BAHD1: variants seen among roughly 807,000 people sequenced by gnomAD.
The protein encoded by BAHD1 is bromo adjacent homology domain-containing 1 protein.
In BAHD1, 20 loss-of-function variants were observed where a neutral mutation model predicts 63.1. The observed-to-expected ratio is 0.32, with a 90% confidence interval of 0.22 to 0.46. The LOEUF (loss-of-function observed/expected upper bound fraction) is 0.46, where lower values mean the gene tolerates loss of function less well. BAHD1 is among the 20% of genes least tolerant of loss of function. The probability of loss-of-function intolerance (pLI) is 1.00; values close to 1 mark genes in which losing one functional copy is unlikely to be tolerated. For missense variants in BAHD1, 939 were observed against 1,071.8 expected (o/e 0.88, Z 1.73); for synonymous variants, 408 against 426.8 (o/e 0.96, Z 0.54).
rs145230732 is a variant in BAHD1 at position 40,456,554 on chromosome 15, A to G, written c.-14-1897A>G. ...CTCAGGGGTGAAGGTTGCCCACACC[A>G]CCCTCAGCCTGGTTTTCTGAGCACT... On this transcript the variant is annotated intron_variant, in intron 1 of 6. Coordinates refer to ENST00000416165, the MANE Select transcript of BAHD1 (RefSeq NM_014952.5). Among the ~76,000 whole-genome samples, 1,118 of 152,108 alleles carry G rather than the reference A, an allele frequency of 7.4e-3. 18 individuals are homozygous for G. Among genetic ancestry groups the G allele is most frequent in the African/African-American group, 0.026 (1,058 of 41,466 alleles).
chr15:40,440,458 C>G (rs981571188), upstream of BAHD1, among the ~76,000 whole-genome samples: 109 of 151,156 alleles, frequency 7.2e-4, no homozygotes, highest in Non-Finnish European at 1.3e-4. Flanking sequence ...CAGCAGCCTC[C>G]GGCGAGGATG....
At chr15:40,448,604 A>G (rs536942077) in intron 1 of BAHD1, among the ~76,000 whole-genome samples, 2 of 152,172 alleles carry the variant, frequency 1.3e-5, no homozygotes, top group African/African-American at 4.8e-5. Flanking sequence ...TGGCATGATC[A>G]TGGTTCATTA....
intron 1 of BAHD1, chr15:40,454,349 ATCTG>A (rs1205801598): frequency 6.6e-6 from 1 of 152,368 alleles, no homozygotes; most frequent in Non-Finnish European, 1.5e-5. Flanking sequence ...AGAGCAGGGC[ATCTG>A]TCTGTCCCTT....
chr15:40,442,401 GGGGGCCGA>G (rs1445154403), intron 1 of BAHD1, among the ~76,000 whole-genome samples: 1 of 151,858 alleles, frequency 6.6e-6, no homozygotes, highest in Middle Eastern at 3.2e-3. Flanking sequence ...TCTACTTGCC[GGGGGCCGA>G]GGGGCCGGGG....
intron 1 of BAHD1, among the ~76,000 whole-genome samples, chr15:40,455,966 A>ATGTTGTTGT (rs772749789): frequency 6.6e-6 from 1 of 151,844 alleles, no homozygotes; most frequent in Non-Finnish European, 1.5e-5. Context: ...AAATGGGATG[A>ATGTTGTTGT]TGTTGTTGTT....
intron 1 of BAHD1, among the ~76,000 whole-genome samples, chr15:40,447,611 T>TAAATAAATAAAA (rs1169432402): frequency 1.4e-5 from 2 of 144,026 alleles, no homozygotes; most frequent in Non-Finnish European, 3.1e-5. Context: ...AATAAATAAA[T>TAAATAAATAAAA]AAAAATAAAA....
At position 40,462,008 on chromosome 15, in the gene BAHD1, G is replaced by A; in HGVS notation, c.1529G>A (p.Ser510Asn). ...CCACTCCTGGGGTGCCCTGTACCCA[G>A]TGTGCCACCTGCAGCAGAGCCCGTC... ...AHPLLGCPVP[S>N]VPPAAEPVPH... Residue 510 changes from serine (S) to asparagine (N), a missense_variant, in exon 3 of 7, where the codon AGT (serine) becomes AAT (asparagine). Physicochemically the swap from Ser to Asn is conservative, Grantham distance 46. This residue lies in a region of BAHD1 where 797 missense variants were observed against 813.3 expected (regional missense o/e 0.98). Transcript: ENST00000416165. The A allele has an allele frequency of 6.2e-7, 1 of 1,608,490 alleles. No homozygotes were observed. The highest frequency in any genetic ancestry group is 8.5e-7 in the Non-Finnish European group (1 of 1,177,694).
At position 40,467,294 on chromosome 15, in the gene BAHD1, T is replaced by C. The variant is rs1199474449; in HGVS notation, c.*1164T>C. 1 of 152,910 alleles carries C rather than the reference T, an allele frequency of 6.5e-6. No homozygotes were observed. Among genetic ancestry groups the C allele is most frequent in the East Asian group, 1.9e-4 (1 of 5,212 alleles). 9.5% of individuals were successfully genotyped at this position (152,910 alleles called of 1,614,324 possible). On this transcript the variant is annotated 3_prime_UTR_variant, in exon 7 of 7. Coordinates refer to ENST00000416165, the MANE Select transcript of BAHD1 (RefSeq NM_014952.5). Reference sequence around the variant, plus strand: ...AGTCCCCTGTTGTCCTTGTGGAGACTAGGCCTTGGCCCTGGCCCTGAGACT... The same window carrying C: ...AGTCCCCTGTTGTCCTTGTGGAGACCAGGCCTTGGCCCTGGCCCTGAGACT...
chr15:40,446,585 AAG>A (rs1324818314), intron 1 of BAHD1, among the ~76,000 whole-genome samples: 1 of 152,232 alleles, frequency 6.6e-6, no homozygotes, highest in East Asian at 1.9e-4. Context: ...AGGAGAAAAA[AAG>A]GGGTTTGTCT....
intron 2 of BAHD1, among the ~76,000 whole-genome samples, chr15:40,461,571 C>T (rs1312765353): frequency 1.3e-5 from 2 of 151,750 alleles, no homozygotes; most frequent in African/African-American, 4.8e-5. Context: ...ACCCGAGAGG[C>T]GGAGGTTGCA....
intron 1 of BAHD1, among the ~76,000 whole-genome samples, chr15:40,442,350 C>T (rs1022251254): frequency 1.3e-5 from 2 of 151,948 alleles, no homozygotes; most frequent in South Asian, 2.1e-4. Context: ...GCTTGCCGCT[C>T]TAGCCGCTCG....
intron 5 of BAHD1, chr15:40,464,861 C>T: frequency 2.3e-6 from 1 of 436,380 alleles, no homozygotes; most frequent in Non-Finnish European, 4.2e-6. Context: ...GGTGGAGCTG[C>T]ATACCTGGTC....
chr15:40,465,349 A>G lies in BAHD1; in HGVS notation c.2067A>G (p.Glu689=). The G allele has an allele frequency of 6.2e-7, 1 of 1,614,082 alleles. No individual in the cohort carries two copies. The highest frequency in any genetic ancestry group is 2.2e-5 in the East Asian group (1 of 44,882). Reference sequence around the variant, plus strand: ...CTCCCTTTGAGCCCTTGCAGAATGAAGTGTTTGCATCGCGACATCAGGACC... The same window carrying G: ...CTCCCTTTGAGCCCTTGCAGAATGAGGTGTTTGCATCGCGACATCAGGACC... ...SPSMHEPLQN[E]VFASRHQDQN... Residue 689 remains glutamate (E), a synonymous_variant, in exon 6 of 7, where the codon GAA becomes GAG. Transcript: ENST00000416165.
At chr15:40,456,387 C>A (rs929484810) in intron 1 of BAHD1, among the ~76,000 whole-genome samples, 1 of 152,194 alleles carries the variant, frequency 6.6e-6, no homozygotes, top group African/African-American at 2.4e-5. Flanking sequence ...GAGCTCTCCA[C>A]CTGTGCTTCA....
upstream of BAHD1, among the ~76,000 whole-genome samples, chr15:40,440,776 C>A (rs554653076): frequency 6.6e-6 from 1 of 152,208 alleles, no homozygotes; most frequent in Admixed American, 6.5e-5. Context: ...TGCGTTGGGA[C>A]GACCGACCCA....
rs935171387 is a variant in BAHD1 at position 40,459,744 on chromosome 15, C to G, written c.1280C>G (p.Pro427Arg). ...CCGAGCTCAGTGCCCTCAGGCACCC[C>G]TTTCCAGCACCCTCCCTGGGGCTCC... ...LAPSSVPSGT[P>R]FQHPPWGSSR... is the part of the protein sequence containing the mutation. The change falls in exon 2 of 7, where the codon CCT (proline) becomes CGT (arginine). Residue 427 changes from proline (P) to arginine (R), a missense_variant. Physicochemically the swap from Pro to Arg is moderately radical, Grantham distance 103. Coordinates refer to ENST00000416165, the MANE Select transcript of BAHD1 (RefSeq NM_014952.5). The G allele has an allele frequency of 1.2e-6, 2 of 1,613,886 alleles. No homozygotes were observed. The highest frequency in any genetic ancestry group is 1.3e-5 in the African/African-American group (1 of 74,938).
chr15:40,451,686 G>A (rs765347496), intron 1 of BAHD1, among the ~76,000 whole-genome samples: 19 of 152,360 alleles, frequency 1.2e-4, no homozygotes, highest in Non-Finnish European at 2.1e-4. Flanking sequence ...CCCCACATGG[G>A]TCTCCCTCTG....
At position 40,451,966 on chromosome 15, in the gene BAHD1, A is replaced by G. The variant is rs146473680; in HGVS notation, c.-14-6485A>G. The stretch of plus-strand genomic sequence containing the variant: ...CAGGTTAAAGTTCGTAAGGCAGAAC[A>G]CTGGTATGATTAAAACACAATGCTC... On this transcript the variant is annotated intron_variant, in intron 1 of 6. Transcript: ENST00000416165. 5.4e-4 allele frequency among the ~76,000 whole-genome samples: 83 copies of G among 152,378 alleles called. 1 individual carries two copies. The East Asian group carries it at 0.014, about 26-fold the overall frequency.
At chr15:40,439,899 CTTGGGA>C (rs1263486382), upstream of BAHD1, 1 of 152,344 alleles carries the variant, frequency 6.6e-6, no homozygotes, top group Admixed American at 6.5e-5. Flanking sequence ...CGTGCTCGGG[CTTGGGA>C]GGGCACGTCT....
Sources: gnomAD v4.1 joint callset for allele counts (sites outside exome capture counted in the v4.1 genomes callset) on GRCh38, gnomAD v4.1.1 for gene constraint, gnomAD v4.1.1 regional missense constraint, MANE v1.5 for transcripts, NCBI Gene and HGNC (gene_info 2026-07-23, HGNC 2026-07-21) for gene names.